The following SYT16 variants were observed in gnomAD, a reference collection of about 807,000 sequenced individuals.
SYT16 encodes the protein synaptotagmin 16, also known as synaptotagmin-16.
SYT16 carries 42 observed loss-of-function variants against 61.4 expected under a neutral mutation model. The ratio of observed to expected loss-of-function variants is 0.68; its 90% CI spans 0.53 to 0.89. The LOEUF (loss-of-function observed/expected upper bound fraction) is 0.89. SYT16 is among the 40% of genes least tolerant of loss of function. The pLI is 0.00. For synonymous variants in SYT16, 314 were observed against 302.3 expected, an observed-to-expected ratio of 1.04 and a Z score of -0.40; for missense variants, 804 against 807.3, an observed-to-expected ratio of 1.00 and a Z score of 0.05.
At chr14:61,851,856 A>G (rs2046630245) in intron 1 of SYT16, among the ~76,000 whole-genome samples, 1 of 152,148 alleles carries the variant, frequency 6.6e-6, no homozygotes, top group Non-Finnish European at 1.5e-5. Flanking sequence ...TCCATTCTGT[A>G]GCTTATCTCT....
At position 61,992,377 on chromosome 14, in the gene SYT16, G is replaced by A. The variant is rs78149603; in HGVS notation, c.-144-3499G>A. On this transcript the variant is annotated intron_variant, in intron 2 of 7. Coordinates refer to ENST00000683842, the MANE Select transcript of SYT16 (RefSeq NM_001367656.1). ...TAAGGAAAGGCTGAGTTCTCATGGCGCGGCAGCATTATTGCGGACAGCTCA... is the reference window on the plus strand; with the variant it reads ...TAAGGAAAGGCTGAGTTCTCATGGCACGGCAGCATTATTGCGGACAGCTCA... Among the ~76,000 whole-genome samples, 789 of 152,198 alleles carry A rather than the reference G, an allele frequency of 5.2e-3. 8 individuals carry two copies. The highest frequency in any genetic ancestry group is 0.018 in the African/African-American group (753 of 41,536).
intron 7 of SYT16, among the ~76,000 whole-genome samples, chr14:62,094,373 C>T (rs576019244): frequency 6.6e-6 from 1 of 152,098 alleles, no homozygotes; most frequent in East Asian, 1.9e-4. Flanking sequence ...TTAACTTTTC[C>T]CCTCTTCCCC....
chr14:61,864,301 T>C (rs1317470613), intron 1 of SYT16, among the ~76,000 whole-genome samples: 2 of 152,248 alleles, frequency 1.3e-5, no homozygotes, highest in African/African-American at 4.8e-5. Context: ...GCGGCCCTTT[T>C]GGCGGAGCAG....
intron 3 of SYT16, among the ~76,000 whole-genome samples, chr14:62,068,716 G>A (rs1022366527): frequency 6.6e-6 from 1 of 152,162 alleles, no homozygotes; most frequent in African/African-American, 2.4e-5. Flanking sequence ...CAAAGGTTGG[G>A]TTGTTGATGC....
chr14:61,954,279 T>A (rs948379487), intron 1 of SYT16, among the ~76,000 whole-genome samples: 2 of 152,204 alleles, frequency 1.3e-5, no homozygotes, highest in South Asian at 4.1e-4. Context: ...TAGTTCTTGT[T>A]GTGAGTCAGA....
At chr14:61,878,608 G>A (rs928226022) in intron 1 of SYT16, among the ~76,000 whole-genome samples, 3 of 152,150 alleles carry the variant, frequency 2.0e-5, no homozygotes, top group African/African-American at 7.2e-5. Flanking sequence ...GAAAAGAAAA[G>A]GAAGACATTT....
chr14:61,852,231 G>T (rs1354962390), intron 1 of SYT16, among the ~76,000 whole-genome samples: 1 of 151,978 alleles, frequency 6.6e-6, no homozygotes, highest in Non-Finnish European at 1.5e-5. Flanking sequence ...ATGGTTGTAG[G>T]TGTGCAGTCT....
chr14:62,004,637 A>G (rs754432132), intron 3 of SYT16, among the ~76,000 whole-genome samples: 23 of 152,304 alleles, frequency 1.5e-4, no homozygotes, highest in Admixed American at 1.1e-3. Flanking sequence ...ACATATAAAG[A>G]GAAATAATTG....
intron 1 of SYT16, among the ~76,000 whole-genome samples, chr14:61,949,522 C>T (rs2050584108): frequency 6.6e-6 from 1 of 152,060 alleles, no homozygotes; most frequent in African/African-American, 2.4e-5. Flanking sequence ...CAGGTATAAT[C>T]ATAGTGCACT....
intron 3 of SYT16, among the ~76,000 whole-genome samples, chr14:62,021,473 A>T (rs535898714): frequency 1.5e-4 from 20 of 130,552 alleles, no homozygotes; most frequent in South Asian, 7.6e-4. Context: ...TATTATTATT[A>T]TTTTTTTTTC....
At chr14:62,079,677 A>G (rs952738179) in intron 5 of SYT16, among the ~76,000 whole-genome samples, 2 of 152,248 alleles carry the variant, frequency 1.3e-5, no homozygotes, top group Non-Finnish European at 2.9e-5. Flanking sequence ...CATAAATAAG[A>G]ACTGGTTTGC....
At chr14:61,924,230 AGAT>A (rs1459655668) in intron 1 of SYT16, among the ~76,000 whole-genome samples, 1 of 152,180 alleles carries the variant, frequency 6.6e-6, no homozygotes, top group Non-Finnish European at 1.5e-5. Context: ...TTATTTATTG[AGAT>A]TATTAAACCA....
At chr14:61,939,953 T>A (rs1391123443) in intron 1 of SYT16, among the ~76,000 whole-genome samples, 2 of 152,184 alleles carry the variant, frequency 1.3e-5, no homozygotes, top group Non-Finnish European at 2.9e-5. Context: ...TGATGTCATC[T>A]GGGGGCTTTT....
At chr14:61,832,312 A>G (rs1438891711) in intron 1 of SYT16, 2 of 589,102 alleles carry the variant, frequency 3.4e-6, no homozygotes, top group Admixed American at 3.8e-5. Flanking sequence ...GCTCGTACAG[A>G]CACCAAGGTG....
At chr14:61,966,160 T>A (rs1318600088) in intron 1 of SYT16, among the ~76,000 whole-genome samples, 2 of 151,438 alleles carry the variant, frequency 1.3e-5, no homozygotes, top group Non-Finnish European at 3.0e-5. Flanking sequence ...ATGTTTCTTC[T>A]CCAAAAAAGC....
intron 1 of SYT16, among the ~76,000 whole-genome samples, chr14:61,909,949 T>C (rs758554858): frequency 3.9e-5 from 6 of 152,194 alleles, no homozygotes; most frequent in Non-Finnish European, 7.4e-5. Context: ...TGCCAAACCA[T>C]GCATCACACT....
At chr14:61,943,892 G>T (rs2050313211) in intron 1 of SYT16, among the ~76,000 whole-genome samples, 2 of 152,164 alleles carry the variant, frequency 1.3e-5, no homozygotes, top group Admixed American at 6.5e-5. Flanking sequence ...GGGCAATCAG[G>T]CAAGAGAAAG....
chr14:62,048,917 AGGTGT>A (rs1315419987), intron 3 of SYT16, among the ~76,000 whole-genome samples: 1 of 152,116 alleles, frequency 6.6e-6, no homozygotes, highest in Non-Finnish European at 1.5e-5. Flanking sequence ...ATTTTGGAAT[AGGTGT>A]GGTGTGGTGC....
chr14:62,052,744 C>G (rs1479040059), intron 3 of SYT16, among the ~76,000 whole-genome samples: 1 of 152,110 alleles, frequency 6.6e-6, no homozygotes, highest in African/African-American at 2.4e-5. Context: ...TAAGAAAAGG[C>G]AAGGGAGTTA....
Sources: allele counts gnomAD v4.1 joint callset (sites outside exome capture counted in the v4.1 genomes callset), GRCh38; gene constraint gnomAD v4.1.1; transcripts MANE v1.5; gene names NCBI Gene and HGNC (gene_info 2026-07-23, HGNC 2026-07-21).